Variants in SSR1 observed in about 807,000 individuals in gnomAD.
The protein encoded by SSR1 is signal sequence receptor subunit 1.
A neutral mutation model predicts 36.1 loss-of-function variants in SSR1; 13 were observed. The ratio of observed to expected loss-of-function variants is 0.36; its 90% CI spans 0.23 to 0.57. The LOEUF (loss-of-function observed/expected upper bound fraction) is 0.57, where lower values mean the gene tolerates loss of function less well. SSR1 is among the 20% of genes least tolerant of loss of function. The pLI is 0.81. For synonymous variants in SSR1, 113 were observed against 118.9 expected (o/e 0.95, Z 0.32); for missense variants, 291 against 338.5 (o/e 0.86, Z 1.10).
At chr6:7,296,055 C>A (rs1757788225) in intron 6 of SSR1, among the ~76,000 whole-genome samples, 1 of 152,074 alleles carries the variant, frequency 6.6e-6, no homozygotes, top group South Asian at 2.1e-4. Context: ...AAGCTAAATA[C>A]AATTAAACAG....
chr6:7,300,299 T>C lies in SSR1; in HGVS notation c.543+1011A>G, dbSNP rs971149800. Among the ~76,000 whole-genome samples the C allele has an allele frequency of 3.3e-5, 5 of 152,346 alleles. No individual in the cohort carries two copies. In the South Asian group the frequency reaches 1.0e-3, roughly 32 times the overall value. ...CAAGAGAAAATAAAATTTCCTCGTC[T>C]GAAAACTTTTTGACAGAGGAATGGT... On this transcript the variant is annotated intron_variant, in intron 4 of 7. Transcript: ENST00000244763.
intron 6 of SSR1, chr6:7,297,166 G>T: frequency 3.6e-6 from 1 of 279,024 alleles, no homozygotes; most frequent in Non-Finnish European, 6.8e-6. Flanking sequence ...GTTGCAGTAA[G>T]CAAGATTGTG....
rs1464818092 is a variant in SSR1, at chr6:7,286,861, G to A, written c.*3003C>T. 8 of 136,408 alleles carry A rather than the reference G, an allele frequency of 5.9e-5. No individual in the cohort carries two copies. Among genetic ancestry groups the A allele is most frequent in the Admixed American group, 4.0e-4 (5 of 12,392 alleles). 8.4% of individuals were successfully genotyped at this position (136,408 alleles called of 1,614,324 possible). ...CAAGAGGCAGAAGTTGCAGTGAGCCGAGATCGCACCACTGCACTCCAGCCT... is the reference window on the plus strand; with the variant it reads ...CAAGAGGCAGAAGTTGCAGTGAGCCAAGATCGCACCACTGCACTCCAGCCT... On this transcript the variant is annotated 3_prime_UTR_variant, in exon 8 of 8. Transcript: ENST00000244763.
rs113336440 is a variant in SSR1, at chr6:7,283,241, G to A, written c.*6623C>T. On this transcript the variant is annotated 3_prime_UTR_variant, in exon 8 of 8. Coordinates refer to ENST00000244763, the MANE Select transcript of SSR1 (RefSeq NM_003144.5). ...ATTACAGGCGTGCACCACCTCGCTC[G>A]GCTAATTGTTTTTGTTCTTTTTTGA... is the stretch of plus-strand genomic sequence containing the variant. The A allele has an allele frequency of 0.13, 19,694 of 151,684 alleles. 1,358 individuals are homozygous for A. Among genetic ancestry groups the A allele is most frequent in the Middle Eastern group, 0.2 (57 of 292 alleles). 9.4% of individuals were successfully genotyped at this position (151,684 alleles called of 1,614,324 possible).
Position 7,287,766 on chromosome 6 carries a change from A to G in SSR1, c.*2098T>C, listed in dbSNP as rs1161843993. 1 of 152,678 alleles carries G rather than the reference A, an allele frequency of 6.5e-6. No individual in the cohort carries two copies. Among genetic ancestry groups the G allele is most frequent in the Non-Finnish European group, 1.5e-5 (1 of 68,044 alleles). 9.5% of individuals were successfully genotyped at this position (152,678 alleles called of 1,614,324 possible). A position where few individuals can be genotyped will look rare whatever the true frequency, so the allele number is the denominator to read the frequency against. ...CCAAATATTTACATTTTAAAAAGAC[A>G]TTTAAAAAATAGGCTACTTATTAAG... On this transcript the variant is annotated 3_prime_UTR_variant, in exon 8 of 8. Transcript: ENST00000244763.
rs1758157464 is a variant in SSR1, at chr6:7,310,110, A to G, written c.80-81T>C. The G allele has an allele frequency of 2.8e-6, 3 of 1,059,846 alleles. 1 individual carries two copies. The South Asian group carries it at 4.2e-5, about 15-fold the overall frequency. 65.7% of individuals were successfully genotyped at this position (1,059,846 alleles called of 1,614,324 possible). ...TTTTTTAACATCAGGTATAGGCAAAAAAAACTTCCCTTGGACTAACAGAAT... is the reference window on the plus strand; with the variant it reads ...TTTTTTAACATCAGGTATAGGCAAAGAAAACTTCCCTTGGACTAACAGAAT... On this transcript the variant is annotated intron_variant, in intron 1 of 7. Transcript: ENST00000244763.
At chr6:7,290,624 A>G (rs1313306107) in intron 7 of SSR1, among the ~76,000 whole-genome samples, 1 of 152,118 alleles carries the variant, frequency 6.6e-6, no homozygotes, top group Non-Finnish European at 1.5e-5. Flanking sequence ...AATTACTTGT[A>G]TAATTGTTTT....
At chr6:7,300,260 G>GTTGAA (rs1419010120) in intron 4 of SSR1, among the ~76,000 whole-genome samples, 4 of 152,270 alleles carry the variant, frequency 2.6e-5, no homozygotes, top group Non-Finnish European at 5.9e-5. Flanking sequence ...TAATGAAAAG[G>GTTGAA]TTGAATTAGC....
chr6:7,304,522 AAG>A (rs35155213), intron 2 of SSR1, among the ~76,000 whole-genome samples: 2,684 of 152,298 alleles, frequency 0.018, 75 homozygotes, highest in African/African-American at 0.061. Flanking sequence ...GGAAAAAAAA[AAG>A]AGTGTGACCA....
intron 6 of SSR1, among the ~76,000 whole-genome samples, chr6:7,297,394 G>A (rs1448179744): frequency 6.6e-6 from 1 of 152,058 alleles, no homozygotes; most frequent in Non-Finnish European, 1.5e-5. Context: ...TCACTCTGGA[G>A]GGCACAAAGG....
intron 2 of SSR1, among the ~76,000 whole-genome samples, chr6:7,304,559 C>T (rs751892853): frequency 2.2e-4 from 34 of 151,934 alleles, no homozygotes; most frequent in Non-Finnish European, 4.1e-4. Context: ...TTGATAGAAA[C>T]GTCCTAAAAC....
At chr6:7,295,522 G>A (rs2714361) in intron 6 of SSR1, 37 bp from the exon 7 acceptor site, 1,078,498 of 1,425,688 alleles carry the variant, frequency 0.76, 409,312 homozygotes, top group African/African-American at 0.93. Flanking sequence ...AAGGAGTTCC[G>A]TTACACCATT....
At position 7,295,497 on chromosome 6, in the gene SSR1, T is replaced by G. The variant is rs1757774999; in HGVS notation, c.700-12A>C. The stretch of plus-strand genomic sequence containing the variant: ...ATGGGTCTCTTACGCTAAAAGAACA[T>G]AAAGACATATTTTAAAGGAGTTCCG... On this transcript the variant is annotated splice_polypyrimidine_tract_variant and intron_variant, in intron 6 of 7. Coordinates refer to ENST00000244763, the MANE Select transcript of SSR1 (RefSeq NM_003144.5). 6.4e-7 allele frequency: 1 copy of G among 1,558,116 alleles called. No homozygotes were observed. Among genetic ancestry groups the G allele is most frequent in the African/African-American group, 1.4e-5 (1 of 72,584 alleles).
intron 5 of SSR1, among the ~76,000 whole-genome samples, chr6:7,298,231 A>C (rs1046874145): frequency 2.0e-5 from 3 of 152,224 alleles, no homozygotes; most frequent in Non-Finnish European, 4.4e-5. Flanking sequence ...ATTACAATTT[A>C]TGCTCTATTC....
rs1320054477 is a variant in SSR1, at chr6:7,301,590, G to A, written c.281-18C>T. ...TGGAAAATCTGAGAAACAAAATAGA[G>A]ACAAAAAAATTAGAACACATGGAAA... is the stretch of plus-strand genomic sequence containing the variant. On this transcript the variant is annotated intron_variant, in intron 3 of 7. Coordinates refer to ENST00000244763, the MANE Select transcript of SSR1 (RefSeq NM_003144.5). 1 of 1,589,680 alleles carries A rather than the reference G, an allele frequency of 6.3e-7. No individual in the cohort carries two copies. The highest frequency in any genetic ancestry group is 1.1e-5 in the South Asian group (1 of 87,638).
rs900290051 is a variant in SSR1, at chr6:7,287,720, CA to C, written c.*2143del. 1.3e-5 allele frequency: 2 copies of C among 152,610 alleles called. No homozygotes were observed. The highest frequency in any genetic ancestry group is 4.8e-5 in the African/African-American group (2 of 41,544). 9.5% of individuals were successfully genotyped at this position (152,610 alleles called of 1,614,324 possible). A position where few individuals can be genotyped will look rare whatever the true frequency, so the allele number is the denominator to read the frequency against. The stretch of plus-strand genomic sequence containing the variant: ...TAGTTGGTGTAGCAAATGAATATAT[CA>C]AAACAAAGAAAAACTTCATCCAAAT... On this transcript the variant is annotated 3_prime_UTR_variant, in exon 8 of 8. Coordinates refer to ENST00000244763, the MANE Select transcript of SSR1 (RefSeq NM_003144.5).
intron 5 of SSR1, 87 bp from the exon 6 acceptor site, chr6:7,298,088 A>T (rs541867997): frequency 7.3e-6 from 7 of 952,684 alleles, no homozygotes; most frequent in Non-Finnish European, 1.1e-5. Context: ...CACATAATAG[A>T]AGCTTTCCAA....
intron 7 of SSR1, chr6:7,294,956 G>C: frequency 1.4e-6 from 1 of 694,604 alleles, no homozygotes; most frequent in South Asian, 2.6e-5. Flanking sequence ...AGTTATACTG[G>C]GTAGTTTTTC....
At chr6:7,306,977 C>T (rs1327065773) in intron 2 of SSR1, among the ~76,000 whole-genome samples, 1 of 151,652 alleles carries the variant, frequency 6.6e-6, no homozygotes, top group Non-Finnish European at 1.5e-5. Context: ...GGTTTGTCCT[C>T]AAAAATTCTA....
Sources: gnomAD v4.1 joint callset for allele counts (sites outside exome capture counted in the v4.1 genomes callset) on GRCh38, gnomAD v4.1.1 for gene constraint, MANE v1.5 for transcripts, NCBI Gene and HGNC (gene_info 2026-07-23, HGNC 2026-07-21) for gene names.